Variants in ST7 observed in about 807,000 individuals in gnomAD.
ST7 encodes the protein suppression of tumorigenicity 7.
A neutral mutation model predicts 78.7 loss-of-function variants in ST7; 28 were observed. That is an observed-to-expected ratio of 0.36 (90% confidence interval 0.26 to 0.49). The LOEUF is 0.49. Ranked by LOEUF, ST7 falls within the 20% of genes least tolerant of loss-of-function variation. The pLI is 0.99. For synonymous variants in ST7, 247 were observed against 249.6 expected (o/e 0.99, Z 0.10); for missense variants, 418 against 696.0 (o/e 0.60, Z 4.49).
intron 9 of ST7, among the ~76,000 whole-genome samples, chr7:117,142,192 G>T (rs1370330705): frequency 6.6e-6 from 1 of 151,976 alleles, no homozygotes; most frequent in Non-Finnish European, 1.5e-5. Context: ...GAGTAGATTT[G>T]GAATGAATGT....
At chr7:117,049,739 T>G (rs898227061) in intron 1 of ST7, among the ~76,000 whole-genome samples, 1 of 152,234 alleles carries the variant, frequency 6.6e-6, no homozygotes, top group African/African-American at 2.4e-5. Context: ...CTCGAAGTGG[T>G]GGGCAACCAC....
intron 7 of ST7, among the ~76,000 whole-genome samples, chr7:117,134,962 T>G (rs1804664597): frequency 6.6e-6 from 1 of 152,070 alleles, no homozygotes; most frequent in South Asian, 2.1e-4. Context: ...ACATTAGCTG[T>G]GAAGTTCAGC....
At chr7:117,222,821 T>A in intron 15 of ST7, 2 of 1,487,068 alleles carry the variant, frequency 1.3e-6, no homozygotes, top group Non-Finnish European at 1.9e-6. Context: ...TCAGAAAGGA[T>A]GATTTCTAAC....
intron 1 of ST7, among the ~76,000 whole-genome samples, chr7:117,093,680 G>A (rs937640486): frequency 1.3e-5 from 2 of 152,066 alleles, no homozygotes; most frequent in Non-Finnish European, 1.5e-5. Context: ...CAGCCTGGGC[G>A]ACGGAGTGAG....
intron 2 of ST7, among the ~76,000 whole-genome samples, chr7:117,113,341 G>A (rs1475148203): frequency 6.6e-6 from 1 of 152,204 alleles, no homozygotes; most frequent in Non-Finnish European, 1.5e-5. Context: ...GATAGCAGCA[G>A]GGTGTAGCGG....
chr7:117,189,481 A>G (rs1162800257), intron 11 of ST7, 88 bp downstream of exon 11: 3 of 1,009,600 alleles, frequency 3.0e-6, no homozygotes, highest in Non-Finnish European at 4.2e-6. Flanking sequence ...AGTTTCTCTT[A>G]GGCTATGAGA....
chr7:117,113,588 C>G (rs148864893), intron 2 of ST7, among the ~76,000 whole-genome samples: 1 of 152,256 alleles, frequency 6.6e-6, no homozygotes, highest in East Asian at 1.9e-4. Flanking sequence ...TTTGTGTGAT[C>G]GTTTATTGTC....
intron 3 of ST7, among the ~76,000 whole-genome samples, chr7:117,121,102 A>G (rs866936153): frequency 1.3e-5 from 2 of 152,360 alleles, no homozygotes; most frequent in Admixed American, 6.5e-5. Flanking sequence ...TTCAAAGGCT[A>G]TAGTGACTCA....
intron 1 of ST7, among the ~76,000 whole-genome samples, chr7:117,074,993 T>G (rs1042907326): frequency 1.3e-5 from 2 of 152,204 alleles, no homozygotes; most frequent in African/African-American, 4.8e-5. Context: ...AATTTAGTAG[T>G]TTTGGGTGCT....
chr7:117,140,478 A>G (rs1490152390), intron 9 of ST7, among the ~76,000 whole-genome samples: 3 of 152,162 alleles, frequency 2.0e-5, no homozygotes, highest in Non-Finnish European at 4.4e-5. Flanking sequence ...AACACCTGAC[A>G]TATAGTAGGC....
chr7:117,066,602 A>T (rs182399127), intron 1 of ST7, among the ~76,000 whole-genome samples: 3 of 152,010 alleles, frequency 2.0e-5, no homozygotes, highest in Admixed American at 1.3e-4. Context: ...TCTACTAAAA[A>T]ATACAAATAT....
In ST7 at chr7:116,979,958, CTT is replaced by C. The variant is rs745530832; in HGVS notation, c.151+26283_151+26284del. Among the ~76,000 whole-genome samples the C allele has an allele frequency of 6.2e-3, 535 of 86,266 alleles. 5 individuals are homozygous for C. The highest frequency in any genetic ancestry group is 8.8e-3 in the Non-Finnish European group (432 of 48,820). The allele number at this position is 86,266 out of a possible 152,430, so 56.6% of individuals were successfully genotyped here. The stretch of plus-strand genomic sequence containing the variant: ...CCTTTTTTCTTTTTCTTTTGTTTCT[CTT>C]TTTTTTTTTTTTTTTGGAGACAGAG... On this transcript the variant is annotated intron_variant, in intron 1 of 15. Transcript: ENST00000323984.
chr7:117,190,310 G>A lies in ST7; in HGVS notation c.1152-524G>A, dbSNP rs1424719118. On this transcript the variant is annotated intron_variant, in intron 11 of 15. Transcript: ENST00000323984. This position sits in a 1 kb window ranked among gnomAD's most constrained non-coding sequence, Gnocchi z 5.2. ...ATGGTCTGGTTTTTTTCATTCACTT[G>A]GGCAGGTGTCTTGCCCGCAGTTTGG... The A allele has an allele frequency of 5.9e-6, 1 of 168,168 alleles. No individual in the cohort carries two copies. Among genetic ancestry groups the A allele is most frequent in the East Asian group, 1.9e-4 (1 of 5,202 alleles). 10.4% of individuals were successfully genotyped at this position (168,168 alleles called of 1,614,324 possible). A position where few individuals can be genotyped will look rare whatever the true frequency, so the allele number is the denominator to read the frequency against.
At chr7:116,958,247 C>T (rs545990638) in intron 1 of ST7, among the ~76,000 whole-genome samples, 26 of 149,224 alleles carry the variant, frequency 1.7e-4, no homozygotes, top group African/African-American at 6.4e-4. Context: ...ACTGCCTCCA[C>T]CTCCCAAAGT....
At chr7:117,102,111 G>A (rs1433974359) in intron 2 of ST7, among the ~76,000 whole-genome samples, 1 of 152,156 alleles carries the variant, frequency 6.6e-6, no homozygotes, top group Non-Finnish European at 1.5e-5. Context: ...TGTAAGGACT[G>A]TATTTTATTC....
chr7:117,059,849 A>G (rs1005648522), intron 1 of ST7, among the ~76,000 whole-genome samples: 8 of 149,776 alleles, frequency 5.3e-5, no homozygotes, highest in African/African-American at 2.0e-4. Context: ...TACGTGTGGT[A>G]ATGTGTGCCT....
chr7:117,108,102 C>T (rs1802124796), intron 2 of ST7, among the ~76,000 whole-genome samples: 3 of 152,016 alleles, frequency 2.0e-5, no homozygotes, highest in Admixed American at 2.0e-4. Context: ...AATTAAGTCC[C>T]ATCTATTTAT....
chr7:117,220,325 T>C (rs1338296341), intron 14 of ST7, among the ~76,000 whole-genome samples: 4 of 152,174 alleles, frequency 2.6e-5, no homozygotes, highest in African/African-American at 9.7e-5. Context: ...CCGTGATGTG[T>C]TTCTCACCGT....
intron 1 of ST7, chr7:116,959,401 T>G (rs1023082479): frequency 2.9e-6 from 1 of 341,826 alleles, no homozygotes; most frequent in African/African-American, 2.2e-5. Context: ...ATATGCATCT[T>G]TTTTTGTATA....
Sources: gnomAD v4.1 joint callset for allele counts (sites outside exome capture counted in the v4.1 genomes callset) on GRCh38, gnomAD v4.1.1 for gene constraint, Gnocchi (gnomAD v3.1) non-coding constraint, MANE v1.5 for transcripts, NCBI Gene and HGNC (gene_info 2026-07-23, HGNC 2026-07-21) for gene names.